Variants in PDZRN4 observed in about 807,000 individuals in gnomAD.
PDZRN4 encodes PDZ domain-containing RING finger protein 4.
PDZRN4 carries 70 observed loss-of-function variants against 99.0 expected under a neutral mutation model. That is an observed-to-expected ratio of 0.71 (90% CI 0.58 to 0.86). The LOEUF (loss-of-function observed/expected upper bound fraction) is 0.86. Ranked by LOEUF, PDZRN4 falls within the 40% of genes least tolerant of loss-of-function variation. The pLI is 0.00. For synonymous variants in PDZRN4, 551 were observed against 501.6 expected, an observed-to-expected ratio of 1.10 and a Z score of -1.32; for missense variants, 1,474 against 1,331.2, an observed-to-expected ratio of 1.11 and a Z score of -1.67.
intron 5 of PDZRN4, among the ~76,000 whole-genome samples, chr12:41,517,853 G>C (rs1938429005): frequency 6.6e-6 from 1 of 152,012 alleles, no homozygotes; most frequent in Non-Finnish European, 1.5e-5. Context: ...TCTATGTGTA[G>C]TAACCATATA....
rs1380777900 is a variant in PDZRN4 at position 41,188,853 on chromosome 12, G to A, written c.398G>A (p.Cys133Tyr). 1.6e-6 allele frequency: 2 copies of A among 1,257,354 alleles called. No individual in the cohort carries two copies. The highest frequency in any genetic ancestry group is 4.4e-5 in the Admixed American group (1 of 22,878). 77.9% of individuals were successfully genotyped at this position (1,257,354 alleles called of 1,614,324 possible). A position where few individuals can be genotyped will look rare whatever the true frequency, so the allele number is the denominator to read the frequency against. ...GGGEVPARGG[C>Y]GPTPRAGRGG... ...GGTGAGGTGCCCGCGCGGGGGGGCT[G>A]CGGTCCGACACCCAGGGCTGGCCGG... Residue 133 changes from cysteine (C) to tyrosine (Y), a missense_variant, in exon 1 of 10, where the codon TGC becomes TAC. Cys to Tyr is a radical substitution (Grantham distance 194). Coordinates refer to ENST00000402685, the MANE Select transcript of PDZRN4 (RefSeq NM_001164595.2).
At chr12:41,362,004 C>G (rs974521749) in intron 3 of PDZRN4, among the ~76,000 whole-genome samples, 1 of 152,036 alleles carries the variant, frequency 6.6e-6, no homozygotes, top group Non-Finnish European at 1.5e-5. Context: ...TGCTTGGCTG[C>G]AGCTACAGTA....
chr12:41,475,283 A>G (rs534592058), intron 3 of PDZRN4, among the ~76,000 whole-genome samples: 185 of 152,308 alleles, frequency 1.2e-3, no homozygotes, highest in African/African-American at 4.2e-3. Flanking sequence ...ACCAGGTATC[A>G]TATTTCTCTT....
rs1952320298 is a variant in PDZRN4 at position 41,403,531 on chromosome 12, G to A, written c.844-102925G>A. Among the ~76,000 whole-genome samples, 5 of 152,126 alleles carry A rather than the reference G, an allele frequency of 3.3e-5. No individual in the cohort carries two copies. The South Asian group carries it at 1.0e-3, about 32-fold the overall frequency. On this transcript the variant is annotated intron_variant, in intron 3 of 9. Transcript: ENST00000402685. ...CTCACTCCAAGGTTTTGGATCCTAA[G>A]AGTTACAGAATATTCTCTTTATATG...
chr12:41,340,376 A>C (rs1157626141), intron 3 of PDZRN4, among the ~76,000 whole-genome samples: 1 of 152,022 alleles, frequency 6.6e-6, no homozygotes, highest in African/African-American at 2.4e-5. Flanking sequence ...TCTAAAACTA[A>C]AAGCAATTGA....
At chr12:41,529,451 C>T (rs1244230739) in intron 5 of PDZRN4, among the ~76,000 whole-genome samples, 1 of 152,176 alleles carries the variant, frequency 6.6e-6, no homozygotes, top group Non-Finnish European at 1.5e-5. Context: ...CATAATCATG[C>T]AACTTCCTTT....
At chr12:41,338,145 A>G (rs1315859159) in intron 3 of PDZRN4, among the ~76,000 whole-genome samples, 1 of 152,106 alleles carries the variant, frequency 6.6e-6, no homozygotes, top group Non-Finnish European at 1.5e-5. Flanking sequence ...CATTTTCTGT[A>G]TCTTGTCTAT....
chr12:41,509,850 G>A lies in PDZRN4; in HGVS notation c.1140G>A (p.Glu380=), dbSNP rs1179511941. Residue 380 remains glutamate (E), a synonymous_variant, in exon 5 of 10, where the codon GAG becomes GAA. Coordinates refer to ENST00000402685, the MANE Select transcript of PDZRN4 (RefSeq NM_001164595.2). ...ATCCAATGGAGCATGAATTTTATGA[G>A]GACAATGAGTATATTTCCAGCTTGC... The part of the protein sequence containing the change: ...SLHPMEHEFY[E]DNEYISSLPA... 4 of 1,601,328 alleles carry A rather than the reference G, an allele frequency of 2.5e-6. No individual in the cohort carries two copies. Among genetic ancestry groups the A allele is most frequent in the Non-Finnish European group, 3.4e-6 (4 of 1,171,500 alleles).
At chr12:41,421,805 A>G (rs1952492972) in intron 3 of PDZRN4, among the ~76,000 whole-genome samples, 1 of 152,070 alleles carries the variant, frequency 6.6e-6, no homozygotes, top group African/African-American at 2.4e-5. Flanking sequence ...ATCCCATCTT[A>G]TTATATTTTT....
intron 3 of PDZRN4, chr12:41,473,350 A>C (rs1290745025): frequency 6.6e-6 from 1 of 152,234 alleles, no homozygotes; most frequent in Non-Finnish European, 1.5e-5. Flanking sequence ...ACAAACCATA[A>C]CAAACCATAC....
At chr12:41,444,642 G>T (rs1375718740) in intron 3 of PDZRN4, among the ~76,000 whole-genome samples, 1 of 152,098 alleles carries the variant, frequency 6.6e-6, no homozygotes, top group Non-Finnish European at 1.5e-5. Flanking sequence ...CTTTAGATAT[G>T]ACAGATTGTC....
intron 3 of PDZRN4, among the ~76,000 whole-genome samples, chr12:41,303,321 C>T (rs1487931795): frequency 1.3e-5 from 2 of 152,138 alleles, no homozygotes; most frequent in Non-Finnish European, 2.9e-5. Context: ...GTCCTTTGAG[C>T]TAAGTGCCTA....
chr12:41,524,217 C>CA (rs1468051172), intron 5 of PDZRN4, among the ~76,000 whole-genome samples: 1 of 152,046 alleles, frequency 6.6e-6, no homozygotes, highest in African/African-American at 2.4e-5. Flanking sequence ...CAGACACAGA[C>CA]AAATGGAAAG....
chr12:41,233,326 T>G (rs1183232254), intron 3 of PDZRN4, among the ~76,000 whole-genome samples: 1 of 152,102 alleles, frequency 6.6e-6, no homozygotes, highest in Non-Finnish European at 1.5e-5. Flanking sequence ...AGGAACACTT[T>G]TACACTGTTG....
chr12:41,255,216 T>C (rs1056408843), intron 3 of PDZRN4, among the ~76,000 whole-genome samples: 5 of 151,466 alleles, frequency 3.3e-5, no homozygotes, highest in African/African-American at 1.2e-4. Flanking sequence ...AGTGGGGAAG[T>C]GGTGAGGGAG....
At chr12:41,284,459 T>A (rs181405027) in intron 3 of PDZRN4, among the ~76,000 whole-genome samples, 56 of 152,220 alleles carry the variant, frequency 3.7e-4, no homozygotes, top group African/African-American at 1.3e-3. Flanking sequence ...GCAATGCTAT[T>A]TCCAACAAGC....
rs146536722 is a variant in PDZRN4 at position 41,262,989 on chromosome 12, A to AT, written c.843+68801_843+68802insT. Among the ~76,000 whole-genome samples the AT allele has an allele frequency of 1.0e-3, 158 of 151,792 alleles. 1 individual carries two copies. Among genetic ancestry groups the AT allele is most frequent in the African/African-American group, 3.7e-3 (154 of 41,284 alleles). ...TATATATATAAAATATATCTCACTA[A>AT]CTAAACCACATAGTATATACTATTT... is the stretch of plus-strand genomic sequence containing the variant. On this transcript the variant is annotated intron_variant, in intron 3 of 9. Transcript: ENST00000402685.
chr12:41,545,995 G>A (rs1378612996), intron 5 of PDZRN4, among the ~76,000 whole-genome samples: 3 of 152,208 alleles, frequency 2.0e-5, no homozygotes, highest in African/African-American at 7.2e-5. Flanking sequence ...GGCGGTTTTT[G>A]TTGGAAATTT....
At chr12:41,336,109 G>C (rs892216597) in intron 3 of PDZRN4, among the ~76,000 whole-genome samples, 1 of 152,006 alleles carries the variant, frequency 6.6e-6, no homozygotes, top group East Asian at 1.9e-4. Context: ...TATTGCATGC[G>C]GACGCAACAC....
Sources: allele counts gnomAD v4.1 joint callset (sites outside exome capture counted in the v4.1 genomes callset), GRCh38; gene constraint gnomAD v4.1.1; transcripts MANE v1.5; gene names NCBI Gene and HGNC (gene_info 2026-07-23, HGNC 2026-07-21).